Variants in URB1 observed in about 807,000 individuals in gnomAD.
URB1 encodes URB1 ribosome biogenesis factor, also known as nucleolar pre-ribosomal-associated protein 1.
URB1 carries 197 observed loss-of-function variants against 242.3 expected under a neutral mutation model. The ratio of observed to expected loss-of-function variants is 0.81; its 90% confidence interval spans 0.72 to 0.91. The LOEUF (loss-of-function observed/expected upper bound fraction) is 0.91. Ranked by LOEUF, URB1 falls within the 40% of genes least tolerant of loss-of-function variation. URB1 has a pLI of 0.00. For synonymous variants in URB1, 1,153 were observed against 1,201.8 expected, an observed-to-expected ratio of 0.96 and a Z score of 0.84; for missense variants, 2,721 against 2,860.5, an observed-to-expected ratio of 0.95 and a Z score of 1.11.
chr21:32,319,181 G>A (rs1166595751), intron 36 of URB1, 36 bp downstream of exon 36: 3 of 1,529,526 alleles, frequency 2.0e-6, no homozygotes, highest in African/African-American at 2.8e-5. Context: ...GCATCCAAGA[G>A]GCCAGAAGGG....
intron 30 of URB1, among the ~76,000 whole-genome samples, chr21:32,332,222 G>A (rs1331192203): frequency 6.6e-6 from 1 of 151,980 alleles, no homozygotes; most frequent in Non-Finnish European, 1.5e-5. Flanking sequence ...CTTTTAGATA[G>A]AAACATAAGA....
At chr21:32,357,857 G>A (rs978624859) in intron 14 of URB1, among the ~76,000 whole-genome samples, 1 of 152,048 alleles carries the variant, frequency 6.6e-6, no homozygotes, top group African/African-American at 2.4e-5. Context: ...GCGAAACCCT[G>A]TCTCTACTAA....
In URB1 at chr21:32,312,246, C is replaced by T. The variant is rs1359647623; in HGVS notation, c.*2672G>A. ...TGCTTGCTTACTGCTTATATTTGCT[C>T]AGGGAAGAGTAGGAAAATAAAATAT... On this transcript the variant is annotated 3_prime_UTR_variant, in exon 39 of 39. Coordinates refer to ENST00000382751, the MANE Select transcript of URB1 (RefSeq NM_014825.3). 3 of 1,423,766 alleles carry T rather than the reference C, an allele frequency of 2.1e-6. No individual in the cohort carries two copies. The highest frequency in any genetic ancestry group is 2.7e-6 in the Non-Finnish European group (3 of 1,092,188). The allele number at this position is 1,423,766 out of a possible 1,614,324, so 88.2% of individuals were successfully genotyped here. A position where few individuals can be genotyped will look rare whatever the true frequency, so the allele number is the denominator to read the frequency against.
chr21:32,316,481 CCTT>C lies in URB1; in HGVS notation c.6616_6618del (p.Lys2206del). 6.5e-7 allele frequency: 1 copy of C among 1,526,780 alleles called. No individual in the cohort carries two copies. Among genetic ancestry groups the C allele is most frequent in the African/African-American group, 1.4e-5 (1 of 72,458 alleles). 94.6% of individuals were successfully genotyped at this position (1,526,780 alleles called of 1,614,324 possible). ...CCAGCCTTACCTTGTGTGGCTTCAT[CCTT>C]CTCACTCAGAGAAGACAGGGAGAGG... On this transcript the variant is annotated inframe_deletion, in exon 38 of 39. Coordinates refer to ENST00000382751, the MANE Select transcript of URB1 (RefSeq NM_014825.3).
At chr21:32,382,733 C>A (rs377564051) in intron 4 of URB1, among the ~76,000 whole-genome samples, 2 of 152,062 alleles carry the variant, frequency 1.3e-5, no homozygotes, top group South Asian at 4.2e-4. Flanking sequence ...AGAGGCCCTA[C>A]GACAGACAAC....
At chr21:32,339,050 A>G in intron 25 of URB1, 150 bp from the exon 26 acceptor site, 1 of 872,540 alleles carries the variant, frequency 1.1e-6, no homozygotes. Flanking sequence ...GCTGGAGTAC[A>G]GTGGTGCAAT....
intron 30 of URB1, chr21:32,333,049 G>A: frequency 2.4e-6 from 1 of 422,446 alleles, no homozygotes; most frequent in Non-Finnish European, 4.3e-6. Flanking sequence ...TTCATCATTA[G>A]GAATTAGGAA....
chr21:32,355,138 C>G lies in URB1; in HGVS notation c.2107-141G>C, dbSNP rs2033204687. The G allele has an allele frequency of 3.4e-6, 4 of 1,174,890 alleles. No individual in the cohort carries two copies. In the South Asian group the frequency reaches 5.1e-5, roughly 15 times the overall value. 72.8% of individuals were successfully genotyped at this position (1,174,890 alleles called of 1,614,324 possible). On this transcript the variant is annotated intron_variant, in intron 16 of 38. Coordinates refer to ENST00000382751, the MANE Select transcript of URB1 (RefSeq NM_014825.3). ...AGAATAGTTTTACTATGAAATTGGG[C>G]CTAAACTTTTTATTGTGGAGTTAAA...
intron 34 of URB1, among the ~76,000 whole-genome samples, 178 bp from the exon 35 acceptor site, chr21:32,320,818 G>A (rs1436606433): frequency 6.6e-6 from 1 of 152,224 alleles, no homozygotes; most frequent in East Asian, 1.9e-4. Flanking sequence ...CCCTACAAGA[G>A]ACAGCCAGAG....
intron 19 of URB1, among the ~76,000 whole-genome samples, chr21:32,351,212 G>A (rs1479524140): frequency 1.3e-5 from 2 of 152,210 alleles, no homozygotes; most frequent in Non-Finnish European, 2.9e-5. Context: ...ACAGGCAGGA[G>A]CCACGTGTGA....
In URB1 at chr21:32,322,481, A is replaced by C. The variant is rs1289849314; in HGVS notation, c.5337T>G (p.Phe1779Leu). ...GFYQFFYSSD[F>L]EQKTEQKWVF... is the part of the protein sequence containing the mutation. ...CGTGAGGACTCTGGAAGCATACCTC[A>C]AAGTCGGAGCTGTAGAAGAACTGGT... Residue 1779 changes from phenylalanine to leucine, a missense_variant, in exon 33 of 39, where the codon TTT (phenylalanine) becomes TTG (leucine). Physicochemically the swap from Phe to Leu is conservative, Grantham distance 22. Transcript: ENST00000382751. 1.3e-6 allele frequency: 2 copies of C among 1,552,280 alleles called. No homozygotes were observed. Among genetic ancestry groups the C allele is most frequent in the Non-Finnish European group, 1.7e-6 (2 of 1,147,036 alleles).
intron 32 of URB1, among the ~76,000 whole-genome samples, chr21:32,324,082 G>A (rs2032798725): frequency 6.6e-6 from 1 of 152,180 alleles, no homozygotes; most frequent in African/African-American, 2.4e-5. Context: ...GGACCGTCTG[G>A]CTGTGTCCAC....
At chr21:32,371,241 C>CT (rs1365613717) in intron 8 of URB1, among the ~76,000 whole-genome samples, 1 of 152,196 alleles carries the variant, frequency 6.6e-6, no homozygotes, top group African/African-American at 2.4e-5. Context: ...AATCTCCTTC[C>CT]TTTCCCTTAT....
intron 1 of URB1, among the ~76,000 whole-genome samples, chr21:32,386,104 G>A (rs1052821636): frequency 1.3e-5 from 2 of 150,820 alleles, no homozygotes; most frequent in Admixed American, 6.6e-5. Context: ...AGCCGAGATC[G>A]CGCCATTGCA....
In URB1 at chr21:32,372,509, G is replaced by T. The variant is rs1297487185; in HGVS notation, c.999C>A (p.Gly333=). 6.4e-7 allele frequency: 1 copy of T among 1,550,940 alleles called. No individual in the cohort carries two copies. The highest frequency in any genetic ancestry group is 1.4e-5 in the African/African-American group (1 of 73,046). The change falls in exon 8 of 39, where the codon GGC becomes GGA. Residue 333 remains glycine, a splice_region_variant and synonymous_variant. Transcript: ENST00000382751. ...NFYDASLGTF[G]RGGNLTLLHF... ...TCCACAAGAGTGTTATACTTTACCTGCCAAAGGTACCCAAAGATGCATCGT... is the reference window on the plus strand; with the variant it reads ...TCCACAAGAGTGTTATACTTTACCTTCCAAAGGTACCCAAAGATGCATCGT...
Position 32,311,296 on chromosome 21 carries a change from G to T in URB1, c.*3622C>A. 1 of 207,820 alleles carries T rather than the reference G, an allele frequency of 4.8e-6. No homozygotes were observed. Among genetic ancestry groups the T allele is most frequent in the African/African-American group, 2.3e-5 (1 of 43,650 alleles). The allele number at this position is 207,820 out of a possible 1,614,324, so 12.9% of individuals were successfully genotyped here. A position where few individuals can be genotyped will look rare whatever the true frequency, so the allele number is the denominator to read the frequency against. Reference sequence around the variant, plus strand: ...TATTACAATTCAAGGTGAGATTTGTGTCGTGACGCAGCCAAACCATATCAC... The same window carrying T: ...TATTACAATTCAAGGTGAGATTTGTTTCGTGACGCAGCCAAACCATATCAC... On this transcript the variant is annotated 3_prime_UTR_variant, in exon 39 of 39. Coordinates refer to ENST00000382751, the MANE Select transcript of URB1 (RefSeq NM_014825.3).
intron 15 of URB1, among the ~76,000 whole-genome samples, chr21:32,356,572 G>A (rs1456608116): frequency 6.6e-6 from 1 of 152,114 alleles, no homozygotes; most frequent in Non-Finnish European, 1.5e-5. Flanking sequence ...TCAACCCTTA[G>A]CCTGTATGAA....
chr21:32,355,663 C>A (rs1019352120), intron 15 of URB1, 98 bp from the exon 16 acceptor site: 22 of 1,008,030 alleles, frequency 2.2e-5, no homozygotes, highest in Non-Finnish European at 3.2e-5. Context: ...GGCTGGAGTG[C>A]AGTGGCATGA....
chr21:32,356,583 A>G (rs1237355730), intron 15 of URB1, among the ~76,000 whole-genome samples: 2 of 152,174 alleles, frequency 1.3e-5, no homozygotes, highest in African/African-American at 4.8e-5. Flanking sequence ...CCTGTATGAA[A>G]TTCTCCAAGG....
Sources: gnomAD v4.1 joint callset for allele counts (sites outside exome capture counted in the v4.1 genomes callset) on GRCh38, gnomAD v4.1.1 for gene constraint, MANE v1.5 for transcripts, NCBI Gene and HGNC (gene_info 2026-07-23, HGNC 2026-07-21) for gene names.